The following THEMIS variants were observed in gnomAD, a reference collection of about 807,000 sequenced individuals.
THEMIS encodes protein THEMIS.
In THEMIS, 37 loss-of-function variants were observed where a neutral mutation model predicts 52.6. The observed-to-expected ratio is 0.70, with a 90% CI of 0.54 to 0.93. The LOEUF (loss-of-function observed/expected upper bound fraction) is 0.93. Ranked by LOEUF, THEMIS falls within the 40% of genes least tolerant of loss-of-function variation. The probability of loss-of-function intolerance (pLI) is 0.00; values close to 1 mark genes in which losing one functional copy is unlikely to be tolerated. For missense variants in THEMIS, 808 were observed against 763.1 expected, an observed-to-expected ratio of 1.06 and a Z score of -0.69; for synonymous variants, 292 against 272.7, an observed-to-expected ratio of 1.07 and a Z score of -0.70.
chr6:127,739,579 A>G (rs1005314811), intron 4 of THEMIS, among the ~76,000 whole-genome samples: 36 of 152,118 alleles, frequency 2.4e-4, no homozygotes, highest in African/African-American at 7.5e-4. Context: ...AGGCGAGCTT[A>G]CTGTGAGCCG....
In THEMIS at chr6:127,874,393, T is replaced by C. The variant is rs930104740; in HGVS notation, c.92-19205A>G. ...AGTCTGTAAAGGCATGTGCAAGTTT[T>C]GAAAAATGTTAACTTTTTATAATAG... On this transcript the variant is annotated intron_variant, in intron 1 of 5. Coordinates refer to ENST00000368248, the MANE Select transcript of THEMIS (RefSeq NM_001010923.3). Among the ~76,000 whole-genome samples the C allele has an allele frequency of 2.7e-5, 4 of 149,608 alleles. No individual in the cohort carries two copies. In the East Asian group the frequency reaches 9.3e-4, roughly 35 times the overall value.
At chr6:127,917,110 T>C (rs763363553) in intron 1 of THEMIS, among the ~76,000 whole-genome samples, 1 of 152,200 alleles carries the variant, frequency 6.6e-6, no homozygotes. Context: ...GAGTTGTATT[T>C]CCACAGAAAA....
chr6:127,702,003 C>T, the THEMIS span, among the ~76,000 whole-genome samples: 1 of 151,928 alleles, frequency 6.6e-6, no homozygotes, highest in African/African-American at 2.4e-5. Flanking sequence ...TAATATCCTA[C>T]TCATTCTTGA....
At chr6:127,769,729 A>G (rs1776316645) in intron 4 of THEMIS, among the ~76,000 whole-genome samples, 1 of 152,122 alleles carries the variant, frequency 6.6e-6, no homozygotes, top group Admixed American at 6.5e-5. Context: ...TGCTGCACCC[A>G]TTAAGCTGTC....
intron 5 of THEMIS, 60 bp from the exon 6 acceptor site, chr6:127,710,076 A>G: frequency 8.1e-7 from 1 of 1,241,718 alleles, no homozygotes; most frequent in Non-Finnish European, 1.1e-6. Flanking sequence ...CAGAAAGGAA[A>G]CTGCCTGCTT....
intron 1 of THEMIS, among the ~76,000 whole-genome samples, chr6:127,872,500 T>C (rs1477383762): frequency 6.6e-6 from 1 of 151,988 alleles, no homozygotes; most frequent in Non-Finnish European, 1.5e-5. Context: ...AAGCAGAGGT[T>C]GCAGTGAGCC....
At chr6:127,715,841 G>A (rs563285838) in intron 5 of THEMIS, among the ~76,000 whole-genome samples, 1 of 151,918 alleles carries the variant, frequency 6.6e-6, no homozygotes, top group East Asian at 1.9e-4. Context: ...AGGATCACAG[G>A]CTTTCAGAAC....
chr6:127,787,803 G>GTAGATAGA (rs147102978), intron 4 of THEMIS, among the ~76,000 whole-genome samples: 57,408 of 137,342 alleles, frequency 0.42, 12,206 homozygotes, highest in Admixed American at 0.46. Flanking sequence ...ACAGTGATAG[G>GTAGATAGA]TAGATAGATA....
intron 4 of THEMIS, among the ~76,000 whole-genome samples, chr6:127,793,852 G>A (rs762296026): frequency 9.2e-5 from 14 of 152,116 alleles, no homozygotes; most frequent in Middle Eastern, 3.2e-3. Flanking sequence ...GATTATCCCA[G>A]ACCACAGAGC....
intron 4 of THEMIS, among the ~76,000 whole-genome samples, chr6:127,731,582 T>G (rs546999618): frequency 6.7e-6 from 1 of 149,858 alleles, no homozygotes; most frequent in South Asian, 2.1e-4. Context: ...AAGGGCATTT[T>G]CAGAAAAAAA....
chr6:127,763,942 T>C (rs911436561), intron 4 of THEMIS, among the ~76,000 whole-genome samples: 1 of 151,938 alleles, frequency 6.6e-6, no homozygotes, highest in Non-Finnish European at 1.5e-5. Context: ...TGGCTCACAT[T>C]ATATTACTAT....
intron 1 of THEMIS, 139 bp downstream of exon 1, chr6:127,900,701 TCA>T: frequency 1.4e-6 from 1 of 699,062 alleles, no homozygotes; most frequent in East Asian, 2.7e-5. Flanking sequence ...GATTCGTTGG[TCA>T]GTTCATTACT....
At chr6:127,904,497 C>T (rs1481588189), upstream of THEMIS, among the ~76,000 whole-genome samples, 2 of 152,102 alleles carry the variant, frequency 1.3e-5, no homozygotes, top group Non-Finnish European at 2.9e-5. Flanking sequence ...CTCAATCCCT[C>T]ATTGGATTAA....
chr6:127,731,654 C>G (rs1182590161), intron 4 of THEMIS, among the ~76,000 whole-genome samples: 2 of 147,202 alleles, frequency 1.4e-5, no homozygotes, highest in Non-Finnish European at 3.0e-5. Context: ...TTGGAAGAAC[C>G]ATTGTACTTC....
At chr6:127,809,970 G>A (rs1366681696) in intron 4 of THEMIS, among the ~76,000 whole-genome samples, 2 of 151,384 alleles carry the variant, frequency 1.3e-5, no homozygotes, top group Admixed American at 6.6e-5. Context: ...AGTCTCTAGA[G>A]TGAGACTCAG....
chr6:127,878,163 T>C (rs1780371077), intron 1 of THEMIS, among the ~76,000 whole-genome samples: 1 of 152,200 alleles, frequency 6.6e-6, no homozygotes, highest in Non-Finnish European at 1.5e-5. Context: ...CAAAATGTGT[T>C]CATTAGTTGC....
intron 1 of THEMIS, among the ~76,000 whole-genome samples, chr6:127,888,344 A>C (rs188995907): frequency 6.6e-6 from 1 of 152,224 alleles, no homozygotes; most frequent in Non-Finnish European, 1.5e-5. Flanking sequence ...AATAGATTTT[A>C]GAAATGAAAG....
At chr6:127,766,023 G>A (rs1776186359) in intron 4 of THEMIS, among the ~76,000 whole-genome samples, 1 of 151,978 alleles carries the variant, frequency 6.6e-6, no homozygotes, top group South Asian at 2.1e-4. Flanking sequence ...AGTGGCTAGT[G>A]GCTAATGTAG....
intron 4 of THEMIS, among the ~76,000 whole-genome samples, chr6:127,778,158 G>A (rs149429533): frequency 1.5e-3 from 232 of 152,230 alleles, no homozygotes; most frequent in Middle Eastern, 0.01. Context: ...ATATGTGTGT[G>A]TATGTATATT....
Sources: gnomAD v4.1 joint callset for allele counts (sites outside exome capture counted in the v4.1 genomes callset) on GRCh38, gnomAD v4.1.1 for gene constraint, MANE v1.5 for transcripts, NCBI Gene and HGNC (gene_info 2026-07-23, HGNC 2026-07-21) for gene names.